Variants in PCDHB14 observed in about 807,000 individuals in gnomAD.
PCDHB14 encodes protocadherin beta-14.
For missense variants in PCDHB14, 1,129 were observed against 1,000.5 expected, an observed-to-expected ratio of 1.13 and a Z score of -1.73; for synonymous variants, 511 against 441.5, an observed-to-expected ratio of 1.16 and a Z score of -1.97.
At position 141,225,143 on chromosome 5, in the gene PCDHB14, G is replaced by C. The variant is rs141588754; in HGVS notation, c.1638G>C (p.Leu546=). The part of the protein sequence containing the change: ...RGSPALSSEA[L]VRVLVLDAND... ...CCCCGGCGTTGAGCAGCGAGGCGCT[G>C]GTGCGCGTGCTGGTGCTGGACGCCA... is the stretch of plus-strand genomic sequence containing the variant. The change falls in exon 1 of 1, where the codon CTG becomes CTC. Residue 546 remains leucine, a synonymous_variant. Transcript: ENST00000239449. 6.2e-7 allele frequency: 1 copy of C among 1,611,650 alleles called. No individual in the cohort carries two copies. Among genetic ancestry groups the C allele is most frequent in the East Asian group, 2.2e-5 (1 of 44,868 alleles).
At position 141,225,093 on chromosome 5, in the gene PCDHB14, C is replaced by G; in HGVS notation, c.1588C>G (p.Arg530Gly). 1 of 1,612,218 alleles carries G rather than the reference C, an allele frequency of 6.2e-7. No individual in the cohort carries two copies. Among genetic ancestry groups the G allele is most frequent in the Non-Finnish European group, 8.5e-7 (1 of 1,179,866 alleles). ...CGAGGCCCTACAGGAGTTCGAGTTT[C>G]GCGTGGGCGCCACAGACCGCGGGTC... The part of the protein sequence containing the change: ...DYEALQEFEF[R>G]VGATDRGSPA... The change falls in exon 1 of 1, where the codon CGC (arginine) becomes GGC (glycine). Residue 530 changes from arginine (R) to glycine (G), a missense_variant. Transcript: ENST00000239449.
rs1451475778 is a variant in PCDHB14 at position 141,227,425 on chromosome 5, A to G, written c.*1523A>G. 3 of 152,200 alleles carry G rather than the reference A, an allele frequency of 2.0e-5. No individual in the cohort carries two copies. The highest frequency in any genetic ancestry group is 4.8e-5 in the African/African-American group (2 of 41,430). 9.4% of individuals were successfully genotyped at this position (152,200 alleles called of 1,614,324 possible). On this transcript the variant is annotated 3_prime_UTR_variant, in exon 1 of 1. Transcript: ENST00000239449. ...ATTTATGGTTTATAGTTGCCTCATC[A>G]TGTAACATATTATATCTCAGCTCTA...
In PCDHB14 at chr5:141,223,529, T is replaced by C; in HGVS notation, c.24T>C (p.Asp8=). The part of the protein sequence containing the change: MEIRGAL[D]LRKRQVLIFL... ...CCATGGAGATCAGAGGGGCACTCGA[T>C]CTGCGAAAAAGGCAAGTTCTAATAT... Residue 8 remains aspartate (D), a synonymous_variant, in exon 1 of 1, where the codon GAT becomes GAC. Transcript: ENST00000239449. The C allele has an allele frequency of 1.2e-6, 2 of 1,612,014 alleles. No individual in the cohort carries two copies. Among genetic ancestry groups the C allele is most frequent in the Non-Finnish European group, 1.7e-6 (2 of 1,178,436 alleles).
chr5:141,224,107 A>G lies in PCDHB14; in HGVS notation c.602A>G (p.Asp201Gly). 10 of 1,614,080 alleles carry G rather than the reference A, an allele frequency of 6.2e-6. No homozygotes were observed. Among genetic ancestry groups the G allele is most frequent in the Non-Finnish European group, 8.5e-6 (10 of 1,180,036 alleles). Residue 201 changes from aspartate to glycine, a missense_variant, in exon 1 of 1, where the codon GAT becomes GGT. Coordinates refer to ENST00000239449, the MANE Select transcript of PCDHB14 (RefSeq NM_018934.4). The part of the protein sequence containing the change: ...YPELVLDRAL[D>G]YEQEAELRLT... ...GAGCTGGTCCTAGATAGAGCTTTAG[A>G]TTATGAACAGGAAGCTGAACTCAGA...
Position 141,225,304 on chromosome 5 carries a change from C to G in PCDHB14, c.1799C>G (p.Ala600Gly). 1.3e-6 allele frequency: 2 copies of G among 1,599,516 alleles called. No homozygotes were observed. The highest frequency in any genetic ancestry group is 4.5e-5 in the East Asian group (2 of 44,794). The stretch of plus-strand genomic sequence containing the variant: ...GTGGACGGCGACTCGGGCCAGAACG[C>G]CTGGCTGTCGTACCAGCTGCTCAAG... Reference protein sequence around the residue: ...VAVDGDSGQNAWLSYQLLKAT... With the variant: ...VAVDGDSGQNGWLSYQLLKAT... The change falls in exon 1 of 1, where the codon GCC becomes GGC. Residue 600 changes from alanine to glycine, a missense_variant. Coordinates refer to ENST00000239449, the MANE Select transcript of PCDHB14 (RefSeq NM_018934.4).
At position 141,224,601 on chromosome 5, in the gene PCDHB14, G is replaced by A; in HGVS notation, c.1096G>A (p.Ala366Thr). 6.2e-7 allele frequency: 1 copy of A among 1,613,902 alleles called. No individual in the cohort carries two copies. The highest frequency in any genetic ancestry group is 8.5e-7 in the Non-Finnish European group (1 of 1,179,954). ...AGAGAATGCCTCAGAGACCCTAGTA[G>A]CTCTTTTTAGTATCCTAGACCAAGA... ...IPENASETLV[A>T]LFSILDQDSG... is the part of the protein sequence containing the mutation. The change falls in exon 1 of 1, where the codon GCT (alanine) becomes ACT (threonine). Residue 366 changes from alanine (A) to threonine (T), a missense_variant. Physicochemically the swap from Ala to Thr is moderately conservative, Grantham distance 58. Coordinates refer to ENST00000239449, the MANE Select transcript of PCDHB14 (RefSeq NM_018934.4).
rs143061094 is a variant in PCDHB14 at position 141,223,667 on chromosome 5, G to A, written c.162G>A (p.Leu54=). 1.5e-5 allele frequency: 25 copies of A among 1,614,118 alleles called. No homozygotes were observed. The African/African-American group carries it at 3.1e-4, about 20-fold the overall frequency. Residue 54 remains leucine, a synonymous_variant, in exon 1 of 1, where the codon CTG becomes CTA. Transcript: ENST00000239449. ...FVANLARDLG[L]GVEELSSREA... ...CTAATCTAGCGAGGGACCTAGGGCT[G>A]GGGGTGGAGGAGCTGTCTTCACGTG...
In PCDHB14 at chr5:141,225,947, C is replaced by A; in HGVS notation, c.*45C>A. On this transcript the variant is annotated 3_prime_UTR_variant, in exon 1 of 1. Transcript: ENST00000239449. ...CTAATTTTTGGTTATTCTTGGCAAGCTGATGGTACTTTTTGCATAATCTTT... is the reference window on the plus strand; with the variant it reads ...CTAATTTTTGGTTATTCTTGGCAAGATGATGGTACTTTTTGCATAATCTTT... The A allele has an allele frequency of 6.6e-7, 1 of 1,504,904 alleles. No individual in the cohort carries two copies. Among genetic ancestry groups the A allele is most frequent in the Non-Finnish European group, 9.1e-7 (1 of 1,104,402 alleles). 93.2% of individuals were successfully genotyped at this position (1,504,904 alleles called of 1,614,324 possible).
chr5:141,225,438 A>G lies in PCDHB14; in HGVS notation c.1933A>G (p.Lys645Glu). 6.2e-7 allele frequency: 1 copy of G among 1,604,096 alleles called. No homozygotes were observed. The highest frequency in any genetic ancestry group is 8.5e-7 in the Non-Finnish European group (1 of 1,179,318). ...CAAGCACAGGCTGGTGGTGCTGGTC[A>G]AGGACAATGGCGAGCCTCCTCGCTC... Reference protein sequence around the residue: ...AAKHRLVVLVKDNGEPPRSAT... With the variant: ...AAKHRLVVLVEDNGEPPRSAT... The change falls in exon 1 of 1, where the codon AAG becomes GAG. Residue 645 changes from lysine (K) to glutamate (E), a missense_variant. Coordinates refer to ENST00000239449, the MANE Select transcript of PCDHB14 (RefSeq NM_018934.4).
At position 141,224,464 on chromosome 5, in the gene PCDHB14, A is replaced by G. The variant is rs782219746; in HGVS notation, c.959A>G (p.Gln320Arg). The change falls in exon 1 of 1, where the codon CAG (glutamine) becomes CGG (arginine). Residue 320 changes from glutamine (Q) to arginine (R), a missense_variant. Transcript: ENST00000239449. ...EVIQSYTINI[Q>R]ATDGGGLSGK... ...ATACAGTCCTACACTATAAATATTC[A>G]GGCAACAGATGGTGGGGGTCTTTCA... 1.2e-6 allele frequency: 2 copies of G among 1,611,912 alleles called. No individual in the cohort carries two copies. The highest frequency in any genetic ancestry group is 1.1e-5 in the South Asian group (1 of 90,724).
Position 141,224,552 on chromosome 5 carries a change from A to C in PCDHB14, c.1047A>C (p.Ile349=). The change falls in exon 1 of 1, where the codon ATA becomes ATC. Residue 349 remains isoleucine (I), a synonymous_variant. Coordinates refer to ENST00000239449, the MANE Select transcript of PCDHB14 (RefSeq NM_018934.4). The part of the protein sequence containing the change: ...DINDNPPEVT[I]SSITKRIPEN... ...ACGACAACCCACCAGAAGTGACCATATCGTCGATTACAAAGAGAATTCCAG... is the reference window on the plus strand; with the variant it reads ...ACGACAACCCACCAGAAGTGACCATCTCGTCGATTACAAAGAGAATTCCAG... 1 of 1,612,744 alleles carries C rather than the reference A, an allele frequency of 6.2e-7. No individual in the cohort carries two copies. Among genetic ancestry groups the C allele is most frequent in the Non-Finnish European group, 8.5e-7 (1 of 1,179,638 alleles).
rs1405628179 is a variant in PCDHB14, at chr5:141,225,704, A to G, written c.2199A>G (p.Pro733=). ...GCTCGGTGCCCGAGGGTCCCTTTCCAGGGCATCTGGTGGACGTGAGCGGCA... is the reference window on the plus strand; with the variant it reads ...GCTCGGTGCCCGAGGGTCCCTTTCCGGGGCATCTGGTGGACGTGAGCGGCA... ...GRCSVPEGPF[P]GHLVDVSGTG... The change falls in exon 1 of 1, where the codon CCA becomes CCG. Residue 733 remains proline, a synonymous_variant. Transcript: ENST00000239449. 1.2e-6 allele frequency: 2 copies of G among 1,614,076 alleles called. No homozygotes were observed. Among genetic ancestry groups the G allele is most frequent in the Admixed American group, 1.7e-5 (1 of 60,026 alleles).
In PCDHB14 at chr5:141,225,170, C is replaced by G; in HGVS notation, c.1665C>G (p.Asn555Lys). 1.9e-6 allele frequency: 3 copies of G among 1,610,940 alleles called. No homozygotes were observed. The highest frequency in any genetic ancestry group is 1.7e-6 in the Non-Finnish European group (2 of 1,179,602). Residue 555 changes from asparagine (N) to lysine (K), a missense_variant, in exon 1 of 1, where the codon AAC (asparagine) becomes AAG (lysine). Coordinates refer to ENST00000239449, the MANE Select transcript of PCDHB14 (RefSeq NM_018934.4). ...TGCGCGTGCTGGTGCTGGACGCCAA[C>G]GACAACTCGCCCTTCGTGCTGTACC... ...ALVRVLVLDA[N>K]DNSPFVLYPL...
chr5:141,225,288 G>C lies in PCDHB14; in HGVS notation c.1783G>C (p.Asp595His). 1 of 1,597,580 alleles carries C rather than the reference G, an allele frequency of 6.3e-7. No homozygotes were observed. Among genetic ancestry groups the C allele is most frequent in the South Asian group, 1.1e-5 (1 of 90,698 alleles). ...GACCAAGGTGGTGGCGGTGGACGGCGACTCGGGCCAGAACGCCTGGCTGTC... is the reference window on the plus strand; with the variant it reads ...GACCAAGGTGGTGGCGGTGGACGGCCACTCGGGCCAGAACGCCTGGCTGTC... ...LVTKVVAVDG[D>H]SGQNAWLSYQ... is the part of the protein sequence containing the mutation. The change falls in exon 1 of 1, where the codon GAC (aspartate) becomes CAC (histidine). Residue 595 changes from aspartate (D) to histidine (H), a missense_variant. Transcript: ENST00000239449.
Position 141,224,915 on chromosome 5 carries a change from C to T in PCDHB14, c.1410C>T (p.Ile470=). The stretch of plus-strand genomic sequence containing the variant: ...AGAACAACAGCCCCGCCCTGCACAT[C>T]GGCAGCGTCAGCGCCACAGACAGAG... The part of the protein sequence containing the change: ...VRENNSPALH[I]GSVSATDRDS... Residue 470 remains isoleucine (I), a synonymous_variant, in exon 1 of 1, where the codon ATC becomes ATT. Coordinates refer to ENST00000239449, the MANE Select transcript of PCDHB14 (RefSeq NM_018934.4). 2 of 1,613,026 alleles carry T rather than the reference C, an allele frequency of 1.2e-6. No individual in the cohort carries two copies. Among genetic ancestry groups the T allele is most frequent in the African/African-American group, 1.3e-5 (1 of 75,028 alleles).
chr5:141,223,707 TC>T lies in PCDHB14; in HGVS notation c.203del (p.Ser68LeufsTer13). 6.2e-7 allele frequency: 1 copy of T among 1,614,090 alleles called. No homozygotes were observed. The highest frequency in any genetic ancestry group is 1.3e-5 in the African/African-American group (1 of 75,012). ...GTCTTCACGTGAAGCCCGGGTAGTG[TC>T]TGATGATAATAAAAAGTATTTGCAC... ...ELSSREARVVSDDNKKYLHLD... is the reference protein window; with the variant it reads ...ELSSREARVVXDDNKKYLHLD... On this transcript the variant is annotated frameshift_variant, in exon 1 of 1. Coordinates refer to ENST00000239449, the MANE Select transcript of PCDHB14 (RefSeq NM_018934.4). LOFTEE classifies it low-confidence loss of function (END_TRUNC).
rs140927180 is a variant in PCDHB14 at position 141,225,694 on chromosome 5, G to A, written c.2189G>A (p.Gly730Asp). ...ASVGRCSVPE[G>D]PFPGHLVDVS... The stretch of plus-strand genomic sequence containing the variant: ...GTGGGTCGCTGCTCGGTGCCCGAGG[G>A]TCCCTTTCCAGGGCATCTGGTGGAC... The change falls in exon 1 of 1, where the codon GGT (glycine) becomes GAT (aspartate). Residue 730 changes from glycine to aspartate, a missense_variant. Gly to Asp is a moderately conservative substitution (Grantham distance 94). Coordinates refer to ENST00000239449, the MANE Select transcript of PCDHB14 (RefSeq NM_018934.4). The A allele has an allele frequency of 6.2e-7, 1 of 1,614,184 alleles. No individual in the cohort carries two copies. Among genetic ancestry groups the A allele is most frequent in the Non-Finnish European group, 8.5e-7 (1 of 1,180,044 alleles).
Position 141,226,086 on chromosome 5 carries a change from T to C in PCDHB14, c.*184T>C, listed in dbSNP as rs1349927854. On this transcript the variant is annotated 3_prime_UTR_variant, in exon 1 of 1. Coordinates refer to ENST00000239449, the MANE Select transcript of PCDHB14 (RefSeq NM_018934.4). The stretch of plus-strand genomic sequence containing the variant: ...TAATGACGTGGAAATGTAATCTGTG[T>C]TTTCTGGTTTTTCATTTATTTGGCC... 1.6e-6 allele frequency: 1 copy of C among 635,388 alleles called. No homozygotes were observed. The highest frequency in any genetic ancestry group is 1.8e-5 in the African/African-American group (1 of 54,236). 39.4% of individuals were successfully genotyped at this position (635,388 alleles called of 1,614,324 possible).
Position 141,225,116 on chromosome 5 carries a change from G to T in PCDHB14, c.1611G>T (p.Gly537=), listed in dbSNP as rs561912524. 1 of 1,611,914 alleles carries T rather than the reference G, an allele frequency of 6.2e-7. No individual in the cohort carries two copies. Among genetic ancestry groups the T allele is most frequent in the Admixed American group, 1.7e-5 (1 of 60,022 alleles). ...FEFRVGATDR[G]SPALSSEALV... Reference sequence around the variant, plus strand: ...TTCGCGTGGGCGCCACAGACCGCGGGTCCCCGGCGTTGAGCAGCGAGGCGC... The same window carrying T: ...TTCGCGTGGGCGCCACAGACCGCGGTTCCCCGGCGTTGAGCAGCGAGGCGC... The change falls in exon 1 of 1, where the codon GGG becomes GGT. Residue 537 remains glycine (G), a synonymous_variant. Coordinates refer to ENST00000239449, the MANE Select transcript of PCDHB14 (RefSeq NM_018934.4).
Sources: allele counts gnomAD v4.1 joint callset, GRCh38; gene constraint gnomAD v4.1.1; transcripts MANE v1.5; gene names NCBI Gene and HGNC (gene_info 2026-07-23, HGNC 2026-07-21).